HIPK2: variants seen among roughly 807,000 people sequenced by gnomAD.
The protein encoded by HIPK2 is homeodomain interacting protein kinase 2, also known as homeodomain-interacting protein kinase 2.
Under a neutral mutation model 113.7 loss-of-function variants are expected in HIPK2, and 27 were observed. The observed-to-expected ratio is 0.24, with a 90% CI of 0.17 to 0.33. The LOEUF is 0.33. HIPK2 is among the 10% of genes least tolerant of loss of function. HIPK2 has a pLI of 1.00. For missense variants in HIPK2, 1,257 were observed against 1,588.0 expected, an observed-to-expected ratio of 0.79 and a Z score of 3.54; for synonymous variants, 631 against 642.2, an observed-to-expected ratio of 0.98 and a Z score of 0.26.
At chr7:139,584,181 G>T (rs1798761372) in intron 12 of HIPK2, 117 bp from the exon 13 acceptor site, 2 of 1,386,074 alleles carry the variant, frequency 1.4e-6, no homozygotes, top group African/African-American at 1.4e-5. Context: ...CAGGAACAGG[G>T]CTTTTGCCCT....
chr7:139,766,893 G>C (rs1796561562), intron 1 of HIPK2, among the ~76,000 whole-genome samples: 1 of 152,176 alleles, frequency 6.6e-6, no homozygotes, highest in Non-Finnish European at 1.5e-5. Context: ...ACACAGACCA[G>C]CTGGCTCTGA....
intron 1 of HIPK2, among the ~76,000 whole-genome samples, chr7:139,727,076 T>A (rs745652346): frequency 1.3e-5 from 2 of 152,164 alleles, no homozygotes; most frequent in African/African-American, 4.8e-5. Context: ...CTGAAGGCTG[T>A]CATCAACACC....
Position 139,716,387 on chromosome 7 carries a change from G to A in HIPK2, c.648C>T (p.Cys216=). 6.2e-7 allele frequency: 1 copy of A among 1,614,100 alleles called. No individual in the cohort carries two copies. Among genetic ancestry groups the A allele is most frequent in the South Asian group, 1.1e-5 (1 of 91,082 alleles). Residue 216 remains cysteine (C), a synonymous_variant, in exon 2 of 15, where the codon TGC becomes TGT. Coordinates refer to ENST00000406875, the MANE Select transcript of HIPK2 (RefSeq NM_022740.5). This position sits in a 1 kb window ranked among gnomAD's most constrained non-coding sequence, Gnocchi z 9.3. ...CGATCTCATTGGTGCCCCGTTTCCA[G>A]CACTTGACCACTTGCCCAAACGTCC... ...GRGTFGQVVK[C]WKRGTNEIVA...
intron 13 of HIPK2, among the ~76,000 whole-genome samples, chr7:139,580,057 A>G (rs1416942063): frequency 1.3e-5 from 2 of 152,156 alleles, no homozygotes; most frequent in Non-Finnish European, 2.9e-5. Context: ...TGTAGAAAAG[A>G]AAAATAGAAA....
intron 4 of HIPK2, 68 bp from the exon 5 acceptor site, chr7:139,629,107 G>C: frequency 7.9e-7 from 1 of 1,272,904 alleles, no homozygotes; most frequent in Non-Finnish European, 1.1e-6. Flanking sequence ...TCAAGCCTTG[G>C]AACTCCTGTG....
chr7:139,721,794 A>G (rs911976190), intron 1 of HIPK2, among the ~76,000 whole-genome samples: 2 of 152,314 alleles, frequency 1.3e-5, no homozygotes, highest in African/African-American at 4.8e-5. Context: ...TTTCGAGCCC[A>G]TGGGGAGCAG....
chr7:139,612,848 T>TA (rs1365787784), intron 9 of HIPK2, among the ~76,000 whole-genome samples: 1 of 152,200 alleles, frequency 6.6e-6, no homozygotes, highest in Non-Finnish European at 1.5e-5. Flanking sequence ...ATTTCTATTT[T>TA]ACAAGAAAGA....
intron 2 of HIPK2, among the ~76,000 whole-genome samples, chr7:139,675,452 G>A (rs9691662): frequency 0.52 from 78,588 of 151,844 alleles, 21,356 homozygotes; most frequent in Non-Finnish European, 0.6. Context: ...TTTAAATGTC[G>A]GCACTCACTT....
chr7:139,703,055 A>G (rs1352871307), intron 2 of HIPK2, among the ~76,000 whole-genome samples: 1 of 152,162 alleles, frequency 6.6e-6, no homozygotes, highest in Non-Finnish European at 1.5e-5. Flanking sequence ...ATGAACAAAC[A>G]TATCTTTTTT....
At chr7:139,579,956 G>A (rs1402085880) in intron 13 of HIPK2, among the ~76,000 whole-genome samples, 1 of 152,172 alleles carries the variant, frequency 6.6e-6, no homozygotes, top group African/African-American at 2.4e-5. Context: ...GGGAATCAGG[G>A]CCTTGCGACC....
intron 2 of HIPK2, among the ~76,000 whole-genome samples, chr7:139,634,984 G>A (rs1449531691): frequency 6.6e-6 from 1 of 152,116 alleles, no homozygotes; most frequent in African/African-American, 2.4e-5. Flanking sequence ...GGCCAGAAAA[G>A]AAGGGAATAT....
At chr7:139,672,833 C>T (rs1802352328) in intron 2 of HIPK2, among the ~76,000 whole-genome samples, 2 of 152,168 alleles carry the variant, frequency 1.3e-5, no homozygotes, top group Admixed American at 1.3e-4. Context: ...ATTTAATCAT[C>T]GCAGGTTGTC....
intron 9 of HIPK2, among the ~76,000 whole-genome samples, chr7:139,607,044 T>A (rs1244923387): frequency 6.6e-6 from 1 of 152,130 alleles, no homozygotes; most frequent in Non-Finnish European, 1.5e-5. Context: ...AGAATCAATA[T>A]CTATATTCAG....
At chr7:139,585,373 G>T (rs189930578) in intron 12 of HIPK2, among the ~76,000 whole-genome samples, 2 of 152,364 alleles carry the variant, frequency 1.3e-5, no homozygotes, top group Admixed American at 1.3e-4. Flanking sequence ...GAAGGCTGGG[G>T]GATCTGGGGG....
At chr7:139,700,418 G>A (rs1371801102) in intron 2 of HIPK2, among the ~76,000 whole-genome samples, 1 of 152,104 alleles carries the variant, frequency 6.6e-6, no homozygotes, top group African/African-American at 2.4e-5. Flanking sequence ...CTATGATGAC[G>A]GTCACAAAAA....
chr7:139,674,381 A>G (rs148745648), intron 2 of HIPK2, among the ~76,000 whole-genome samples: 1 of 152,182 alleles, frequency 6.6e-6, no homozygotes. Context: ...GCCGTATGGT[A>G]TTGATTAGGT....
intron 7 of HIPK2, among the ~76,000 whole-genome samples, chr7:139,619,012 A>C (rs1222336319): frequency 2.0e-5 from 3 of 152,230 alleles, no homozygotes; most frequent in African/African-American, 7.2e-5. Context: ...TCGGACTCCC[A>C]ACAGCTCTTT....
At chr7:139,587,449 A>C (rs1048950782) in intron 12 of HIPK2, among the ~76,000 whole-genome samples, 1 of 139,590 alleles carries the variant, frequency 7.2e-6, no homozygotes, top group Non-Finnish European at 1.5e-5. Context: ...AGATTGCACC[A>C]TTGTACTCCA....
chr7:139,653,131 C>A (rs1159308643), intron 2 of HIPK2, among the ~76,000 whole-genome samples: 5 of 95,200 alleles, frequency 5.3e-5, no homozygotes, highest in Admixed American at 2.4e-4. Context: ...CAGAGCAAGA[C>A]TCTGTCTCAA....
Sources: gnomAD v4.1 joint callset for allele counts (sites outside exome capture counted in the v4.1 genomes callset) on GRCh38, gnomAD v4.1.1 for gene constraint, Gnocchi (gnomAD v3.1) non-coding constraint, MANE v1.5 for transcripts, NCBI Gene and HGNC (gene_info 2026-07-23, HGNC 2026-07-21) for gene names.